Variants in SUGCT observed in about 807,000 individuals in gnomAD.
SUGCT encodes succinyl-CoA:glutarate CoA-transferase.
A neutral mutation model predicts 55.0 loss-of-function variants in SUGCT; 41 were observed. The observed-to-expected ratio is 0.74, with a 90% CI of 0.58 to 0.97. The LOEUF is 0.97. Among genes scored for constraint, SUGCT ranks in the 50% least tolerant of loss-of-function variants. SUGCT has a pLI of 0.00. For synonymous variants in SUGCT, 187 were observed against 200.4 expected, an observed-to-expected ratio of 0.93 and a Z score of 0.56; for missense variants, 568 against 547.8, an observed-to-expected ratio of 1.04 and a Z score of -0.37.
chr7:40,405,780 A>G (rs753856902), intron 9 of SUGCT, among the ~76,000 whole-genome samples: 2 of 143,402 alleles, frequency 1.4e-5, no homozygotes, highest in Non-Finnish European at 3.0e-5. Context: ...ACTGTACTCT[A>G]CCTTGGGTGA....
intron 13 of SUGCT, among the ~76,000 whole-genome samples, chr7:40,854,121 A>G (rs1190879650): frequency 6.6e-6 from 1 of 152,192 alleles, no homozygotes; most frequent in African/African-American, 2.4e-5. Flanking sequence ...TGGATTTGCT[A>G]CCTATTTGGA....
At chr7:40,446,032 G>T (rs979161356) in intron 9 of SUGCT, among the ~76,000 whole-genome samples, 3 of 151,988 alleles carry the variant, frequency 2.0e-5, no homozygotes, top group African/African-American at 2.4e-5. Flanking sequence ...TGTATTGTAA[G>T]GTATAGGGAG....
intron 12 of SUGCT, among the ~76,000 whole-genome samples, chr7:40,567,787 C>A (rs1796227522): frequency 1.3e-5 from 2 of 152,274 alleles, no homozygotes; most frequent in African/African-American, 4.8e-5. Flanking sequence ...TCTAAGTAAA[C>A]CGTGTCTTCA....
chr7:40,505,348 C>T (rs566898673), intron 12 of SUGCT, among the ~76,000 whole-genome samples: 167 of 151,856 alleles, frequency 1.1e-3, no homozygotes, highest in African/African-American at 3.9e-3. Context: ...TCAAGCCATT[C>T]GTAATGTTTT....
At chr7:40,954,422 T>G in the SUGCT span, among the ~76,000 whole-genome samples, 1 of 152,224 alleles carries the variant, frequency 6.6e-6, no homozygotes. Context: ...TGCCTTGCCT[T>G]GCTTCAGCTC....
At chr7:40,375,962 G>A (rs1461059535) in intron 9 of SUGCT, among the ~76,000 whole-genome samples, 4 of 152,166 alleles carry the variant, frequency 2.6e-5, no homozygotes, top group Non-Finnish European at 5.9e-5. Flanking sequence ...GTGTACCACA[G>A]ATTCTCGTGT....
At chr7:40,989,403 A>G in the SUGCT span, among the ~76,000 whole-genome samples, 1 of 152,156 alleles carries the variant, frequency 6.6e-6, no homozygotes, top group Non-Finnish European at 1.5e-5. Context: ...TGTCATTTCA[A>G]CAATGTTCAC....
At chr7:41,026,015 T>A in the SUGCT span, among the ~76,000 whole-genome samples, 1 of 152,156 alleles carries the variant, frequency 6.6e-6, no homozygotes, top group African/African-American at 2.4e-5. Flanking sequence ...TTTACAACAT[T>A]CACATCGGGA....
At chr7:40,642,125 G>A (rs1800296986) in intron 12 of SUGCT, among the ~76,000 whole-genome samples, 1 of 152,292 alleles carries the variant, frequency 6.6e-6, no homozygotes, top group East Asian at 1.9e-4. Context: ...GCTTGCCAAC[G>A]TCTGATGATC....
chr7:40,715,402 C>T (rs1262986064), intron 12 of SUGCT, among the ~76,000 whole-genome samples: 2 of 152,176 alleles, frequency 1.3e-5, no homozygotes, highest in Non-Finnish European at 2.9e-5. Flanking sequence ...TCCCATCTCC[C>T]TCCCTTCAGG....
At chr7:40,481,088 G>A (rs1791007941) in intron 11 of SUGCT, among the ~76,000 whole-genome samples, 1 of 152,172 alleles carries the variant, frequency 6.6e-6, no homozygotes. Context: ...GTTGAGGTGG[G>A]AGGATTGCTT....
At chr7:40,855,209 T>C (rs1453384154) in intron 13 of SUGCT, among the ~76,000 whole-genome samples, 1 of 151,764 alleles carries the variant, frequency 6.6e-6, no homozygotes, top group East Asian at 1.9e-4. Flanking sequence ...GTTGACTCTT[T>C]TAATCTGAAA....
rs536800312 is a variant in SUGCT at position 40,477,456 on chromosome 7, C to T, written c.986+18258C>T. Among the ~76,000 whole-genome samples, 165 of 152,218 alleles carry T rather than the reference C, an allele frequency of 1.1e-3. 1 individual carries two copies. The highest frequency in any genetic ancestry group is 3.9e-3 in the African/African-American group (161 of 41,554). On this transcript the variant is annotated intron_variant, in intron 11 of 13. Coordinates refer to ENST00000335693, the MANE Select transcript of SUGCT (RefSeq NM_001193313.2). ...TACATGCAAAAGCGGGTTGGATTAC[C>T]TCTCTTCAGGGTTCCTTGGGTGGAA...
At chr7:40,604,545 C>T (rs1353401701) in intron 12 of SUGCT, among the ~76,000 whole-genome samples, 2 of 152,062 alleles carry the variant, frequency 1.3e-5, no homozygotes, top group Non-Finnish European at 2.9e-5. Context: ...GTGATCTTAA[C>T]GTTACACTTC....
intron 12 of SUGCT, among the ~76,000 whole-genome samples, chr7:40,564,209 T>TA (rs1796001253): frequency 6.6e-6 from 1 of 151,900 alleles, no homozygotes; most frequent in African/African-American, 2.4e-5. Context: ...CCATCTCTAC[T>TA]AAAAAAATAC....
At chr7:40,692,084 T>A (rs185595832) in intron 12 of SUGCT, among the ~76,000 whole-genome samples, 1 of 152,274 alleles carries the variant, frequency 6.6e-6, no homozygotes, top group Non-Finnish European at 1.5e-5. Flanking sequence ...GCCTCACCTA[T>A]CCTAGTCACT....
chr7:40,148,840 CG>C (rs1465126927), intron 1 of SUGCT, among the ~76,000 whole-genome samples: 3 of 152,018 alleles, frequency 2.0e-5, no homozygotes, highest in African/African-American at 7.3e-5. Flanking sequence ...TGAATGGATG[CG>C]GATGGAGATT....
intron 9 of SUGCT, among the ~76,000 whole-genome samples, chr7:40,446,256 C>G (rs1287736006): frequency 6.6e-6 from 1 of 152,124 alleles, no homozygotes; most frequent in Non-Finnish European, 1.5e-5. Flanking sequence ...GGACATATCA[C>G]TGATCCAAAA....
At chr7:40,634,518 T>G (rs1312906914) in intron 12 of SUGCT, among the ~76,000 whole-genome samples, 3 of 152,198 alleles carry the variant, frequency 2.0e-5, no homozygotes, top group Non-Finnish European at 4.4e-5. Flanking sequence ...TAAGACCTGG[T>G]TCTGCACTGT....
Sources: allele counts gnomAD v4.1 joint callset (sites outside exome capture counted in the v4.1 genomes callset), GRCh38; gene constraint gnomAD v4.1.1; transcripts MANE v1.5; gene names NCBI Gene and HGNC (gene_info 2026-07-23, HGNC 2026-07-21).